NLN: variants seen among roughly 807,000 people sequenced by gnomAD.
The protein encoded by NLN is neurolysin, mitochondrial.
Under a neutral mutation model 79.9 loss-of-function variants are expected in NLN, and 64 were observed. The observed-to-expected ratio is 0.80, with a 90% CI of 0.65 to 0.99. The LOEUF is 0.99. Among genes scored for constraint, NLN ranks in the 50% least tolerant of loss-of-function variants. NLN has a pLI of 0.00. For synonymous variants in NLN, 267 were observed against 296.6 expected (o/e 0.90, Z 1.02); for missense variants, 835 against 858.7 (o/e 0.97, Z 0.34).
At chr5:65,765,253 C>A (rs1420360029) in intron 3 of NLN, among the ~76,000 whole-genome samples, 2 of 152,172 alleles carry the variant, frequency 1.3e-5, no homozygotes, top group Admixed American at 6.5e-5. Context: ...TGCGGTGGCT[C>A]ACGCCTGTAA....
intron 1 of NLN, among the ~76,000 whole-genome samples, chr5:65,723,233 A>G (rs1487826226): frequency 6.6e-6 from 1 of 152,216 alleles, no homozygotes. Context: ...TATCAACAAA[A>G]CTACTTTGTA....
intron 1 of NLN, among the ~76,000 whole-genome samples, chr5:65,726,519 A>G (rs1561174069): frequency 6.6e-6 from 1 of 152,216 alleles, no homozygotes; most frequent in Admixed American, 6.5e-5. Flanking sequence ...TATTGTTATG[A>G]AAGATTTTTA....
chr5:65,782,272 A>G (rs1759818162), intron 6 of NLN, among the ~76,000 whole-genome samples: 1 of 152,014 alleles, frequency 6.6e-6, no homozygotes, highest in Non-Finnish European at 1.5e-5. Flanking sequence ...ATCTTGGGGG[A>G]CTGCTGGTCC....
chr5:65,756,603 T>C (rs1410994488), intron 1 of NLN, among the ~76,000 whole-genome samples: 1 of 152,200 alleles, frequency 6.6e-6, no homozygotes, highest in Admixed American at 6.5e-5. Context: ...AAAACCTTTC[T>C]ATGGCTCTCG....
intron 3 of NLN, among the ~76,000 whole-genome samples, chr5:65,763,342 GTTAAGGCTTT>G (rs1759380230): frequency 1.3e-5 from 2 of 152,198 alleles, no homozygotes; most frequent in South Asian, 4.1e-4. Context: ...CATCTGTAAA[GTTAAGGCTTT>G]TTAATAACAT....
At chr5:65,793,936 T>C (rs866064648) in intron 9 of NLN, among the ~76,000 whole-genome samples, 18 of 152,218 alleles carry the variant, frequency 1.2e-4, no homozygotes, top group Admixed American at 5.2e-4. Flanking sequence ...CACAGTTTAT[T>C]TGGATTTTAC....
intron 1 of NLN, among the ~76,000 whole-genome samples, chr5:65,757,770 A>C (rs1168686970): frequency 1.3e-5 from 2 of 152,190 alleles, no homozygotes; most frequent in East Asian, 3.9e-4. Flanking sequence ...TTATTTTCCA[A>C]GTCTTAAATT....
At chr5:65,743,181 G>A (rs1047734812) in intron 1 of NLN, among the ~76,000 whole-genome samples, 1 of 152,130 alleles carries the variant, frequency 6.6e-6, no homozygotes, top group African/African-American at 2.4e-5. Context: ...GGCTAGCATT[G>A]GGTAGTAATA....
chr5:65,811,466 A>G (rs912243614), intron 11 of NLN, among the ~76,000 whole-genome samples: 1 of 152,082 alleles, frequency 6.6e-6, no homozygotes, highest in Non-Finnish European at 1.5e-5. Flanking sequence ...ACTTGAGCTC[A>G]GGATTTTTGA....
chr5:65,764,075 C>T (rs1037416433), intron 3 of NLN, among the ~76,000 whole-genome samples: 8 of 152,026 alleles, frequency 5.3e-5, no homozygotes, highest in Non-Finnish European at 1.0e-4. Flanking sequence ...TTTATAGTCT[C>T]CTCATTTTAT....
chr5:65,737,909 C>T (rs1966567), intron 1 of NLN, among the ~76,000 whole-genome samples: 35,897 of 151,858 alleles, frequency 0.24, 4,344 homozygotes, highest in African/African-American at 0.27. Context: ...GGTGGGTGGA[C>T]CACTTTAGCT....
chr5:65,753,562 A>G (rs1477806954), intron 1 of NLN, among the ~76,000 whole-genome samples: 1 of 151,730 alleles, frequency 6.6e-6, no homozygotes, highest in African/African-American at 2.4e-5. Context: ...AGGCACGAGA[A>G]TCGCTTTAAC....
At chr5:65,809,454 A>T in intron 9 of NLN, 61 bp from the exon 10 acceptor site, 1 of 1,382,330 alleles carries the variant, frequency 7.2e-7, no homozygotes, top group South Asian at 1.4e-5. Flanking sequence ...CTTAATAATT[A>T]TTCATTGCAT....
At chr5:65,815,195 C>T (rs1760643459) in intron 12 of NLN, among the ~76,000 whole-genome samples, 2 of 152,200 alleles carry the variant, frequency 1.3e-5, no homozygotes, top group South Asian at 4.1e-4. Context: ...CTGTGCTTGC[C>T]CTTATGTGAC....
In NLN at chr5:65,809,555, A is replaced by C; in HGVS notation, c.1568A>C (p.Asp523Ala). ...ARFSGTNVET[D>A]FVEVPSQMLE... Reference sequence around the variant, plus strand: ...TTTAGCGGAACAAATGTGGAAACTGACTTTGTAGAGGTGCCATCGCAAATG... The same window carrying C: ...TTTAGCGGAACAAATGTGGAAACTGCCTTTGTAGAGGTGCCATCGCAAATG... The change falls in exon 10 of 13, where the codon GAC becomes GCC. Residue 523 changes from aspartate (D) to alanine (A), a missense_variant. Coordinates refer to ENST00000380985, the MANE Select transcript of NLN (RefSeq NM_020726.5). The C allele has an allele frequency of 6.2e-7, 1 of 1,610,560 alleles. No homozygotes were observed. The highest frequency in any genetic ancestry group is 8.5e-7 in the Non-Finnish European group (1 of 1,179,132).
chr5:65,726,865 C>G (rs1297867814), intron 1 of NLN, among the ~76,000 whole-genome samples: 1 of 152,246 alleles, frequency 6.6e-6, no homozygotes. Flanking sequence ...TGGAGGACCC[C>G]CTGTGTTCTC....
chr5:65,788,002 T>C, intron 7 of NLN, 116 bp from the exon 8 acceptor site: 2 of 988,358 alleles, frequency 2.0e-6, no homozygotes, highest in South Asian at 3.2e-5. Context: ...TTCCGCCTTA[T>C]TTATCTGTAT....
At chr5:65,736,079 C>T (rs1313728261) in intron 1 of NLN, among the ~76,000 whole-genome samples, 3 of 152,076 alleles carry the variant, frequency 2.0e-5, no homozygotes, top group South Asian at 2.1e-4. Context: ...TTTCTAGTAC[C>T]GTTGAAGTTC....
intron 3 of NLN, among the ~76,000 whole-genome samples, chr5:65,768,446 A>G (rs1759500803): frequency 6.6e-6 from 1 of 152,200 alleles, no homozygotes; most frequent in South Asian, 2.1e-4. Context: ...AACTGACCAC[A>G]TGATCCAATC....
Sources: gnomAD v4.1 joint callset for allele counts (sites outside exome capture counted in the v4.1 genomes callset) on GRCh38, gnomAD v4.1.1 for gene constraint, MANE v1.5 for transcripts, NCBI Gene and HGNC (gene_info 2026-07-23, HGNC 2026-07-21) for gene names.